The following RAB31 variants were observed in gnomAD, a reference collection of about 807,000 sequenced individuals.
RAB31 encodes RAB31, member RAS oncogene family.
Under a neutral mutation model 25.6 loss-of-function variants are expected in RAB31, and 21 were observed. The ratio of observed to expected loss-of-function variants is 0.82; its 90% CI spans 0.58 to 1.18. The LOEUF (loss-of-function observed/expected upper bound fraction) is 1.18. RAB31 is among the 50% of genes most tolerant of loss of function. The pLI is 0.00. For synonymous variants in RAB31, 87 were observed against 84.0 expected (o/e 1.04, Z -0.20); for missense variants, 196 against 250.1 (o/e 0.78, Z 1.46).
chr18:9,774,252 A>G (rs1409505183), intron 1 of RAB31, among the ~76,000 whole-genome samples: 1 of 151,922 alleles, frequency 6.6e-6, no homozygotes, highest in Non-Finnish European at 1.5e-5. Context: ...GGGCTTATCC[A>G]GCTTAGGGTG....
chr18:9,845,825 A>G (rs886567081), intron 6 of RAB31, 134 bp downstream of exon 6: 1 of 1,341,460 alleles, frequency 7.5e-7, no homozygotes. Flanking sequence ...TACAAAATCT[A>G]CAGCTATGCA....
At chr18:9,803,660 T>G (rs912829857) in intron 3 of RAB31, among the ~76,000 whole-genome samples, 1 of 152,198 alleles carries the variant, frequency 6.6e-6, no homozygotes, top group Non-Finnish European at 1.5e-5. Context: ...GCTGAGCTCC[T>G]TTAAGGAGAA....
intron 3 of RAB31, among the ~76,000 whole-genome samples, chr18:9,813,304 C>T (rs2068584299): frequency 6.6e-6 from 1 of 152,182 alleles, no homozygotes; most frequent in Non-Finnish European, 1.5e-5. Flanking sequence ...AGCAAGGGTC[C>T]TGTGATCTTT....
chr18:9,728,393 G>T (rs1457273548), intron 1 of RAB31, among the ~76,000 whole-genome samples: 5 of 152,208 alleles, frequency 3.3e-5, no homozygotes, highest in Admixed American at 3.3e-4. Flanking sequence ...GAAATAGAAC[G>T]TTGGGTCAGA....
chr18:9,766,024 G>T lies in RAB31; in HGVS notation c.40-9254G>T, dbSNP rs925534414. Among the ~76,000 whole-genome samples, 14 of 152,138 alleles carry T rather than the reference G, an allele frequency of 9.2e-5. No homozygotes were observed. The highest frequency in any genetic ancestry group is 1.3e-4 in the Admixed American group (2 of 15,274). On this transcript the variant is annotated intron_variant, in intron 1 of 6. Coordinates refer to ENST00000578921, the MANE Select transcript of RAB31 (RefSeq NM_006868.4). This position sits in a 1 kb window ranked among gnomAD's most constrained non-coding sequence, Gnocchi z 4.3. ...CAAAGCTTCAAAAAAGTGCTTTGTG[G>T]GTTAATATGGAATTTGTGCCATATT... is the stretch of plus-strand genomic sequence containing the variant.
chr18:9,712,237 T>C lies in RAB31; in HGVS notation c.39+3793T>C, dbSNP rs181209599. 2.0e-4 allele frequency among the ~76,000 whole-genome samples: 30 copies of C among 152,342 alleles called. No homozygotes were observed. The East Asian group carries it at 2.5e-3, about 13-fold the overall frequency. ...TTGGAAAACCAAGGACTGAAGAGCG[T>C]TGGGTTTGTTTAGGTTACCTGTTAT... On this transcript the variant is annotated intron_variant, in intron 1 of 6. Coordinates refer to ENST00000578921, the MANE Select transcript of RAB31 (RefSeq NM_006868.4).
chr18:9,754,626 C>T (rs906843297), intron 1 of RAB31, among the ~76,000 whole-genome samples: 5 of 152,174 alleles, frequency 3.3e-5, no homozygotes, highest in African/African-American at 1.2e-4. Flanking sequence ...GGCATAACAA[C>T]TATTTACATA....
chr18:9,770,863 T>C (rs547552466), intron 1 of RAB31, among the ~76,000 whole-genome samples: 1 of 151,840 alleles, frequency 6.6e-6, no homozygotes, highest in South Asian at 2.1e-4. Flanking sequence ...TTTTTTTTTT[T>C]TTTTTTTTGA....
chr18:9,745,272 T>C (rs1455802738), intron 1 of RAB31, among the ~76,000 whole-genome samples: 1 of 152,160 alleles, frequency 6.6e-6, no homozygotes, highest in Non-Finnish European at 1.5e-5. Context: ...AAAGTCTGAA[T>C]AGACTTAAAA....
chr18:9,854,175 G>A (rs1440882954), intron 6 of RAB31, among the ~76,000 whole-genome samples: 4 of 151,864 alleles, frequency 2.6e-5, no homozygotes, highest in African/African-American at 9.7e-5. Context: ...TCCCCTCCCT[G>A]TGTCCATGTG....
chr18:9,792,583 A>G (rs186367086), intron 3 of RAB31, among the ~76,000 whole-genome samples: 1 of 152,174 alleles, frequency 6.6e-6, no homozygotes, highest in African/African-American at 2.4e-5. Flanking sequence ...CATGGCCCCA[A>G]AAGCATCTCT....
At chr18:9,808,877 A>G (rs899873047) in intron 3 of RAB31, among the ~76,000 whole-genome samples, 1 of 152,196 alleles carries the variant, frequency 6.6e-6, no homozygotes, top group East Asian at 1.9e-4. Context: ...GGGAAACTTC[A>G]TGTATTTTCC....
Position 9,861,982 on chromosome 18 carries a change from A to C in RAB31, c.*2657A>C, listed in dbSNP as rs1382351525. On this transcript the variant is annotated 3_prime_UTR_variant, in exon 7 of 7. Coordinates refer to ENST00000578921, the MANE Select transcript of RAB31 (RefSeq NM_006868.4). Reference sequence around the variant, plus strand: ...ATTTTATGGTTAAAAACGGCACATTAGGCAGTTGAATATGACGTTACCTTG... The same window carrying C: ...ATTTTATGGTTAAAAACGGCACATTCGGCAGTTGAATATGACGTTACCTTG... 2.6e-5 allele frequency: 4 copies of C among 152,676 alleles called. No homozygotes were observed. Among genetic ancestry groups the C allele is most frequent in the African/African-American group, 9.6e-5 (4 of 41,468 alleles). 9.5% of individuals were successfully genotyped at this position (152,676 alleles called of 1,614,324 possible). A position where few individuals can be genotyped will look rare whatever the true frequency, so the allele number is the denominator to read the frequency against.
chr18:9,836,331 T>C (rs2299838), intron 5 of RAB31, among the ~76,000 whole-genome samples: 26,710 of 152,108 alleles, frequency 0.18, 2,861 homozygotes, highest in East Asian at 0.57. Context: ...TGCTAGAACA[T>C]GTATGAACCA....
chr18:9,716,934 T>TTTCTTTCTTTC lies in RAB31; in HGVS notation c.39+8492_39+8493insCTTTCTTTCTT, dbSNP rs763677584. Among the ~76,000 whole-genome samples, 25 of 125,554 alleles carry TTTCTTTCTTTC rather than the reference T, an allele frequency of 2.0e-4. 1 individual carries two copies. The highest frequency in any genetic ancestry group is 4.1e-3 in the Middle Eastern group (1 of 246). The allele number at this position is 125,554 out of a possible 152,430, so 82.4% of individuals were successfully genotyped here. A position where few individuals can be genotyped will look rare whatever the true frequency, so the allele number is the denominator to read the frequency against. ...ATTTTCTTTCTTTCTTTCTTTCTTT[T>TTTCTTTCTTTC]TTTTTTGGTAGAGATGGGGTCTTGC... On this transcript the variant is annotated intron_variant, in intron 1 of 6. Coordinates refer to ENST00000578921, the MANE Select transcript of RAB31 (RefSeq NM_006868.4).
chr18:9,731,740 C>T lies in RAB31; in HGVS notation c.39+23296C>T, dbSNP rs528030812. Among the ~76,000 whole-genome samples the T allele has an allele frequency of 1.1e-4, 16 of 151,846 alleles. No homozygotes were observed. In the East Asian group the frequency reaches 2.3e-3, roughly 22 times the overall value. ...CCTCCTGAGTAGCTGGGATTACAGG[C>T]GTGTGGCACCACGCCCAGCTGATTT... On this transcript the variant is annotated intron_variant, in intron 1 of 6. Transcript: ENST00000578921.
At chr18:9,784,185 A>G (rs918059505) in intron 2 of RAB31, among the ~76,000 whole-genome samples, 1 of 148,088 alleles carries the variant, frequency 6.8e-6, no homozygotes. Context: ...TACATGCAAA[A>G]GCCACTGTGC....
chr18:9,772,348 G>T (rs2068349570), intron 1 of RAB31, among the ~76,000 whole-genome samples: 1 of 152,214 alleles, frequency 6.6e-6, no homozygotes, highest in Non-Finnish European at 1.5e-5. Flanking sequence ...GGGTGATAGG[G>T]TAAGCCTGGG....
chr18:9,715,809 G>A (rs2068041723), intron 1 of RAB31, among the ~76,000 whole-genome samples: 1 of 152,166 alleles, frequency 6.6e-6, no homozygotes, highest in Non-Finnish European at 1.5e-5. Flanking sequence ...TGGGATTACA[G>A]GCGTGAGCCA....
Sources: allele counts gnomAD v4.1 joint callset (sites outside exome capture counted in the v4.1 genomes callset), GRCh38; gene constraint gnomAD v4.1.1; non-coding constraint Gnocchi (gnomAD v3.1); transcripts MANE v1.5; gene names NCBI Gene and HGNC (gene_info 2026-07-23, HGNC 2026-07-21).